The following LTBP1 variants were observed in gnomAD, a reference collection of about 807,000 sequenced individuals.
The protein encoded by LTBP1 is latent-transforming growth factor beta-binding protein 1.
A neutral mutation model predicts 207.6 loss-of-function variants in LTBP1; 129 were observed. That is an observed-to-expected ratio of 0.62 (90% confidence interval 0.54 to 0.72). LTBP1 has a LOEUF of 0.72. Among genes scored for constraint, LTBP1 ranks in the 30% least tolerant of loss-of-function variants. LTBP1 has a pLI of 0.00. For missense variants in LTBP1, 2,281 were observed against 2,217.2 expected (o/e 1.03, Z -0.58); for synonymous variants, 963 against 833.7 (o/e 1.16, Z -2.67).
At position 33,323,451 on chromosome 2, in the gene LTBP1, A is replaced by G. The variant is rs1398063053; in HGVS notation, c.3730+8182A>G. On this transcript the variant is annotated intron_variant, in intron 24 of 33. Coordinates refer to ENST00000404816, the MANE Select transcript of LTBP1 (RefSeq NM_206943.4). ...CAGGAGTTCGAGACCAGCATGGCCAACATGATGAAACCCCATCTCTACTAA... is the reference window on the plus strand; with the variant it reads ...CAGGAGTTCGAGACCAGCATGGCCAGCATGATGAAACCCCATCTCTACTAA... 3.9e-5 allele frequency among the ~76,000 whole-genome samples: 6 copies of G among 152,300 alleles called. No homozygotes were observed. The East Asian group carries it at 9.6e-4, about 24-fold the overall frequency.
At position 33,364,301 on chromosome 2, in the gene LTBP1, C is replaced by T. The variant is rs1377963990; in HGVS notation, c.4485C>T (p.His1495=). ...GCTCTTACAACTGCTTCTGTACTCA[C>T]CCCATGGTCCTGGATGCGTCAGAAA... ...TEGSYNCFCT[H]PMVLDASEKR... is the part of the protein sequence containing the mutation. The change falls in exon 30 of 34, where the codon CAC becomes CAT. Residue 1495 remains histidine, a synonymous_variant. Coordinates refer to ENST00000404816, the MANE Select transcript of LTBP1 (RefSeq NM_206943.4). 5 of 1,614,066 alleles carry T rather than the reference C, an allele frequency of 3.1e-6. No homozygotes were observed. The highest frequency in any genetic ancestry group is 1.1e-5 in the South Asian group (1 of 91,072).
intron 3 of LTBP1, among the ~76,000 whole-genome samples, chr2:33,071,630 G>A (rs145291673): frequency 0.032 from 1,601 of 50,472 alleles, 19 homozygotes; most frequent in Non-Finnish European, 0.072. Context: ...GTATAGGCTA[G>A]GTTATGATGT....
rs184364670 is a variant in LTBP1 at position 33,215,757 on chromosome 2, G to A, written c.1702-1795G>A. Among the ~76,000 whole-genome samples, 274 of 141,302 alleles carry A rather than the reference G, an allele frequency of 1.9e-3. 2 individuals are homozygous for A. Among genetic ancestry groups the A allele is most frequent in the Non-Finnish European group, 1.2e-3 (80 of 66,374 alleles). The allele number at this position is 141,302 out of a possible 152,430, so 92.7% of individuals were successfully genotyped here. On this transcript the variant is annotated intron_variant, in intron 7 of 33. Transcript: ENST00000404816. ...TTTTGAGATAGAGTCTCGCTCTGTC[G>A]CCAGGCTGGAGTGCAGTGGTGAATC...
At chr2:33,343,919 C>T (rs1270586760) in intron 25 of LTBP1, among the ~76,000 whole-genome samples, 3 of 152,158 alleles carry the variant, frequency 2.0e-5, no homozygotes, top group Non-Finnish European at 4.4e-5. Flanking sequence ...AAATTCAAGA[C>T]TTTATAGATA....
At chr2:33,233,290 A>G (rs1445834135) in intron 9 of LTBP1, among the ~76,000 whole-genome samples, 1 of 152,070 alleles carries the variant, frequency 6.6e-6, no homozygotes, top group African/African-American at 2.4e-5. Context: ...TTTCTGCTTT[A>G]CTATGCCCAT....
intron 5 of LTBP1, among the ~76,000 whole-genome samples, chr2:33,166,209 A>T (rs2084905542): frequency 6.6e-6 from 1 of 152,158 alleles, no homozygotes; most frequent in Admixed American, 6.5e-5. Context: ...TATATCGGTT[A>T]AAAAAGTACA....
At chr2:33,383,877 T>C (rs1259832230) in intron 31 of LTBP1, among the ~76,000 whole-genome samples, 2 of 152,246 alleles carry the variant, frequency 1.3e-5, no homozygotes, top group African/African-American at 2.4e-5. Flanking sequence ...GGTCCTTGTT[T>C]CTCTTATATT....
chr2:33,377,979 T>A (rs2095163322), intron 31 of LTBP1, among the ~76,000 whole-genome samples: 2 of 152,252 alleles, frequency 1.3e-5, no homozygotes, highest in South Asian at 2.1e-4. Context: ...GGGATTACAA[T>A]TCAAGATGAG....
intron 3 of LTBP1, among the ~76,000 whole-genome samples, chr2:33,044,853 C>G (rs925880262): frequency 1.2e-4 from 18 of 152,154 alleles, no homozygotes; most frequent in African/African-American, 4.3e-4. Flanking sequence ...TTGCATTTCT[C>G]TAATGGCCAG....
chr2:33,247,577 A>G (rs934764112), intron 10 of LTBP1, among the ~76,000 whole-genome samples: 4 of 152,238 alleles, frequency 2.6e-5, no homozygotes, highest in African/African-American at 9.6e-5. Context: ...TTACAACAGA[A>G]ATCATATGGC....
chr2:33,383,257 G>A (rs542182516), intron 31 of LTBP1, among the ~76,000 whole-genome samples: 1 of 152,220 alleles, frequency 6.6e-6, no homozygotes, highest in Non-Finnish European at 1.5e-5. Context: ...GGAGGCTGAG[G>A]CAGGAGAATC....
intron 9 of LTBP1, among the ~76,000 whole-genome samples, chr2:33,233,315 A>G (rs530299468): frequency 3.2e-4 from 49 of 151,954 alleles, no homozygotes; most frequent in Non-Finnish European, 5.4e-4. Context: ...GCTTTATCTC[A>G]TTTGTTACAT....
intron 5 of LTBP1, among the ~76,000 whole-genome samples, chr2:33,180,295 TCTTGGTCATGTGTAGGA>T: frequency 6.6e-6 from 1 of 152,318 alleles, no homozygotes; most frequent in East Asian, 1.9e-4. Context: ...CATTCTTCTT[TCTTGGTCATGTGTAGGA>T]CTAGGCCTTC....
Position 33,356,135 on chromosome 2 carries a change from C to G in LTBP1, c.4001-4462C>G, listed in dbSNP as rs538331958. 1.8e-4 allele frequency among the ~76,000 whole-genome samples: 28 copies of G among 151,716 alleles called. No homozygotes were observed. In the South Asian group the frequency reaches 1.9e-3, roughly 10 times the overall value. ...ACAGCCAAGGAGATGGTAGCTCAGTCTCAGATCCATCTCCCTGATGGACTA... is the reference window on the plus strand; with the variant it reads ...ACAGCCAAGGAGATGGTAGCTCAGTGTCAGATCCATCTCCCTGATGGACTA... On this transcript the variant is annotated intron_variant, in intron 26 of 33. Coordinates refer to ENST00000404816, the MANE Select transcript of LTBP1 (RefSeq NM_206943.4).
intron 31 of LTBP1, among the ~76,000 whole-genome samples, chr2:33,388,894 C>T (rs1190551748): frequency 6.6e-6 from 1 of 152,212 alleles, no homozygotes; most frequent in Non-Finnish European, 1.5e-5. Context: ...TCAGATGGCT[C>T]CGTTTTGTCA....
intron 3 of LTBP1, among the ~76,000 whole-genome samples, chr2:33,056,051 G>GTATT (rs2076980939): frequency 6.6e-6 from 1 of 152,164 alleles, no homozygotes; most frequent in African/African-American, 2.4e-5. Flanking sequence ...TGGACATAAG[G>GTATT]TATTTCACTC....
chr2:33,260,387 T>G (rs1202248493), intron 13 of LTBP1, among the ~76,000 whole-genome samples: 8 of 152,220 alleles, frequency 5.3e-5, no homozygotes, highest in Non-Finnish European at 1.2e-4. Flanking sequence ...TAATTTTCTT[T>G]TTATCTCCTT....
In LTBP1 at chr2:33,293,195, A is replaced by G. The variant is rs746985879; in HGVS notation, c.3148A>G (p.Asn1050Asp). 2.5e-6 allele frequency: 4 copies of G among 1,614,098 alleles called. No individual in the cohort carries two copies. Among genetic ancestry groups the G allele is most frequent in the South Asian group, 1.1e-5 (1 of 91,062 alleles). ...GTGCCTGGAACCAAACGTCTGCGCA[A>G]ATGGTGATTGTTCCAACCTTGAAGG... ...DECLEPNVCA[N>D]GDCSNLEGSY... Residue 1050 changes from asparagine (N) to aspartate (D), a missense_variant, in exon 20 of 34, where the codon AAT (asparagine) becomes GAT (aspartate). Asn to Asp is a conservative substitution (Grantham distance 23, BLOSUM62 1). Transcript: ENST00000404816.
intron 3 of LTBP1, among the ~76,000 whole-genome samples, chr2:33,063,683 G>A (rs2077370402): frequency 6.6e-6 from 1 of 152,018 alleles, no homozygotes; most frequent in African/African-American, 2.4e-5. Flanking sequence ...AGAATGAAGG[G>A]TTTGAAAACT....
Sources: gnomAD v4.1 joint callset for allele counts (sites outside exome capture counted in the v4.1 genomes callset) on GRCh38, gnomAD v4.1.1 for gene constraint, MANE v1.5 for transcripts, NCBI Gene and HGNC (gene_info 2026-07-23, HGNC 2026-07-21) for gene names.